UAP1L1: variants seen among roughly 807,000 people sequenced by gnomAD.
UAP1L1 encodes the protein UDP-N-acetylhexosamine pyrophosphorylase-like protein 1.
A neutral mutation model predicts 45.3 loss-of-function variants in UAP1L1; 45 were observed. The ratio of observed to expected loss-of-function variants is 0.99; its 90% CI spans 0.78 to 1.27. The LOEUF is 1.27. Ranked by LOEUF, UAP1L1 falls within the 50% of genes most tolerant of loss-of-function variation. The probability of loss-of-function intolerance (pLI) is 0.00; values close to 1 mark genes in which losing one functional copy is unlikely to be tolerated. For synonymous variants in UAP1L1, 323 were observed against 303.9 expected (o/e 1.06, Z -0.65); for missense variants, 667 against 694.0 (o/e 0.96, Z 0.44).
chr9:137,080,994 C>T lies in UAP1L1; in HGVS notation c.1364+120C>T. 3.8e-6 allele frequency: 4 copies of T among 1,050,116 alleles called. No individual in the cohort carries two copies. The East Asian group carries it at 8.0e-5, about 21-fold the overall frequency. The allele number at this position is 1,050,116 out of a possible 1,614,324, so 65.0% of individuals were successfully genotyped here. ...GCTGGGGAGGGGTCTTCCTTCCCGG[C>T]ACCACCGCAGGTGCAGGTAGCCTTG... is the stretch of plus-strand genomic sequence containing the variant. On this transcript the variant is annotated intron_variant, in intron 7 of 8. Coordinates refer to ENST00000409858, the MANE Select transcript of UAP1L1 (RefSeq NM_207309.3).
chr9:137,079,319 C>T lies in UAP1L1; in HGVS notation c.907C>T (p.Gln303Ter). 1 of 1,613,190 alleles carries T rather than the reference C, an allele frequency of 6.2e-7. No homozygotes were observed. The highest frequency in any genetic ancestry group is 2.2e-5 in the East Asian group (1 of 44,858). The part of the protein sequence containing the change: ...GVVCQVDGVP[Q>*]VVEYSEISPE... ...GGTGTGCCAGGTGGACGGTGTCCCCCAGGTGGTGGAGTACAGCGAGATCAG... is the reference window on the plus strand; with the variant it reads ...GGTGTGCCAGGTGGACGGTGTCCCCTAGGTGGTGGAGTACAGCGAGATCAG... The change falls in exon 5 of 9, where the codon CAG (glutamine) becomes TAG (stop). Residue 303 changes from glutamine to a stop codon, truncating the protein, a stop_gained. Transcript: ENST00000409858. LOFTEE classifies it high-confidence loss of function.
rs1206350673 is a variant in UAP1L1, at chr9:137,083,112, G to A, written c.*383G>A. 4.5e-6 allele frequency: 1 copy of A among 222,550 alleles called. No homozygotes were observed. The highest frequency in any genetic ancestry group is 9.3e-6 in the Non-Finnish European group (1 of 107,044). 13.8% of individuals were successfully genotyped at this position (222,550 alleles called of 1,614,324 possible). A position where few individuals can be genotyped will look rare whatever the true frequency, so the allele number is the denominator to read the frequency against. ...GGTGTGGTGTCATCTGGGGAGAACA[G>A]GAGGGCATGTCCCTTTGGGAGCCCG... On this transcript the variant is annotated 3_prime_UTR_variant, in exon 9 of 9. Coordinates refer to ENST00000409858, the MANE Select transcript of UAP1L1 (RefSeq NM_207309.3).
intron 5 of UAP1L1, 46 bp from the exon 6 acceptor site, chr9:137,079,956 A>G (rs767536893): frequency 6.2e-6 from 10 of 1,607,708 alleles, no homozygotes; most frequent in Non-Finnish European, 7.6e-6. Context: ...CAGCGGTGCC[A>G]TATCTGATCT....
chr9:137,077,801 G>A lies in UAP1L1; in HGVS notation c.269G>A (p.Arg90Gln). 7.2e-7 allele frequency: 1 copy of A among 1,385,710 alleles called. No individual in the cohort carries two copies. Among genetic ancestry groups the A allele is most frequent in the South Asian group, 1.6e-5 (1 of 63,766 alleles). 85.8% of individuals were successfully genotyped at this position (1,385,710 alleles called of 1,614,324 possible). ...GRASRSDPETRRRWEEEGFRQ... is the reference protein window; with the variant it reads ...GRASRSDPETQRRWEEEGFRQ... ...GCCAGCCGCAGCGACCCCGAGACAC[G>A]GCGGCGCTGGGAGGAGGAAGGTAAG... Residue 90 changes from arginine to glutamine, a missense_variant, in exon 1 of 9, where the codon CGG (arginine) becomes CAG (glutamine). By Grantham distance (43) the Arg-to-Gln change is conservative. Coordinates refer to ENST00000409858, the MANE Select transcript of UAP1L1 (RefSeq NM_207309.3). The surrounding 1 kb of genome is among the most constrained non-coding windows in gnomAD (Gnocchi z 4.7).
Position 137,078,258 on chromosome 9 carries a change from T to A in UAP1L1, c.494+4T>A, listed in dbSNP as rs763580110. ...GGACCCGCTGCACCGTCCCCTGGTGTGTCCTGCCTGCCCTACCTCGGCCCG... is the reference window on the plus strand; with the variant it reads ...GGACCCGCTGCACCGTCCCCTGGTGAGTCCTGCCTGCCCTACCTCGGCCCG... On this transcript the variant is annotated splice_donor_region_variant and intron_variant, in intron 2 of 8. Transcript: ENST00000409858. 238 of 1,536,956 alleles carry A rather than the reference T, an allele frequency of 1.5e-4. No homozygotes were observed. Among genetic ancestry groups the A allele is most frequent in the Non-Finnish European group, 2.0e-4 (225 of 1,139,756 alleles).
chr9:137,081,557 G>T (rs535959835), intron 7 of UAP1L1, among the ~76,000 whole-genome samples: 1 of 152,210 alleles, frequency 6.6e-6, no homozygotes, highest in African/African-American at 2.4e-5. Flanking sequence ...TGTGGGGTGT[G>T]TGTGCAACTT....
Position 137,079,098 on chromosome 9 carries a change from C to CCTGT in UAP1L1, c.796_799dup (p.Phe267CysfsTer48). On this transcript the variant is annotated frameshift_variant, in exon 4 of 9. Coordinates refer to ENST00000409858, the MANE Select transcript of UAP1L1 (RefSeq NM_207309.3). LOFTEE classifies it high-confidence loss of function. ...CAACATCCTGGTGCGGCTGGCGGAC[C>CCTGT]CTGTCTTCATCGGCTTCTGTGTGTT... The CCTGT allele has an allele frequency of 1.9e-6, 3 of 1,611,876 alleles. No homozygotes were observed. The highest frequency in any genetic ancestry group is 2.5e-6 in the Non-Finnish European group (3 of 1,179,640).
In UAP1L1 at chr9:137,082,664, G is replaced by A; in HGVS notation, c.1459G>A (p.Glu487Lys). 6.4e-7 allele frequency: 1 copy of A among 1,552,324 alleles called. No individual in the cohort carries two copies. The highest frequency in any genetic ancestry group is 1.4e-5 in the African/African-American group (1 of 73,158). Residue 487 changes from glutamate to lysine, a missense_variant, in exon 9 of 9, where the codon GAG (glutamate) becomes AAG (lysine). Glu to Lys is a moderately conservative substitution (Grantham distance 56). Coordinates refer to ENST00000409858, the MANE Select transcript of UAP1L1 (RefSeq NM_207309.3). This position sits in a 1 kb window ranked among gnomAD's most constrained non-coding sequence, Gnocchi z 5.7. ...EGLEVYLQGR[E>K]FQSPLILDED... ...TTTAGAAGTGTACCTGCAAGGCCGG[G>A]AGTTCCAGTCCCCGCTCATCCTGGA...
At chr9:137,081,894 G>T in intron 7 of UAP1L1, 104 bp from the exon 8 acceptor site, 1 of 1,080,424 alleles carries the variant, frequency 9.3e-7, no homozygotes, top group Non-Finnish European at 1.4e-6. Flanking sequence ...GGAGCTGTGG[G>T]GAGCCAGGTG....
rs1183320631 is a variant in UAP1L1, at chr9:137,079,003, T to C, written c.698T>C (p.Leu233Pro). Residue 233 changes from leucine (L) to proline (P), a missense_variant, in exon 4 of 9, where the codon CTG becomes CCG. Transcript: ENST00000409858. ...PDGNGGLYCALEDHKILEDME... is the reference protein window; with the variant it reads ...PDGNGGLYCAPEDHKILEDME... ...GGCAACGGGGGCCTCTACTGCGCGC[T>C]GGAGGACCACAAGATCCTGGAGGAC... 2 of 1,600,084 alleles carry C rather than the reference T, an allele frequency of 1.2e-6. No homozygotes were observed. The highest frequency in any genetic ancestry group is 2.7e-5 in the African/African-American group (2 of 74,080).
At chr9:137,080,226 T>TAA in intron 6 of UAP1L1, 84 bp downstream of exon 6, 1 of 1,564,024 alleles carries the variant, frequency 6.4e-7, no homozygotes, top group Admixed American at 1.7e-5. Context: ...GGTAGGGAAG[T>TAA]AGAGGCTTGA....
chr9:137,081,604 C>T (rs907225743), intron 7 of UAP1L1, among the ~76,000 whole-genome samples: 18 of 152,104 alleles, frequency 1.2e-4, no homozygotes, highest in African/African-American at 4.1e-4. Flanking sequence ...GGATCCATCA[C>T]CCAACCAACG....
At position 137,078,114 on chromosome 9, in the gene UAP1L1, C is replaced by T; in HGVS notation, c.354C>T (p.Arg118=). The T allele has an allele frequency of 6.5e-7, 1 of 1,550,244 alleles. No homozygotes were observed. Among genetic ancestry groups the T allele is most frequent in the Non-Finnish European group, 8.7e-7 (1 of 1,146,888 alleles). ...TGCTGGCTGGGGGGCAGGGCACTCG[C>T]CTGGGCGTGACCTACCCCAAGGGTA... ...VLLLAGGQGT[R]LGVTYPKGMY... is the part of the protein sequence containing the mutation. The change falls in exon 2 of 9, where the codon CGC becomes CGT. Residue 118 remains arginine (R), a synonymous_variant. Coordinates refer to ENST00000409858, the MANE Select transcript of UAP1L1 (RefSeq NM_207309.3).
At position 137,079,350 on chromosome 9, in the gene UAP1L1, AG is replaced by A; in HGVS notation, c.939del (p.Thr314ProfsTer39). ...QVVEYSEISPETAQLRASDGS... is the reference protein window; with the variant it reads ...QVVEYSEISPXTAQLRASDGS... The stretch of plus-strand genomic sequence containing the variant: ...GTGGAGTACAGCGAGATCAGTCCTG[AG>A]ACCGCACAGCTACGTGCCTCCGACG... On this transcript the variant is annotated frameshift_variant, in exon 5 of 9. Coordinates refer to ENST00000409858, the MANE Select transcript of UAP1L1 (RefSeq NM_207309.3). LOFTEE classifies it high-confidence loss of function. The A allele has an allele frequency of 6.2e-7, 1 of 1,613,124 alleles. No homozygotes were observed. The highest frequency in any genetic ancestry group is 1.1e-5 in the South Asian group (1 of 91,082).
rs1268346126 is a variant in UAP1L1 at position 137,077,857 on chromosome 9, G to A, written c.289+36G>A. ...TGGGAGGCCCTGGGGGCCGGCAGGGGGTCGTGCCCACGGAGCGGGTGGGAA... is the reference window on the plus strand; with the variant it reads ...TGGGAGGCCCTGGGGGCCGGCAGGGAGTCGTGCCCACGGAGCGGGTGGGAA... On this transcript the variant is annotated intron_variant, in intron 1 of 8. Transcript: ENST00000409858. The surrounding 1 kb of genome is among the most constrained non-coding windows in gnomAD (Gnocchi z 4.7). 5.6e-6 allele frequency: 8 copies of A among 1,434,224 alleles called. No homozygotes were observed. In the African/African-American group the frequency reaches 7.2e-5, roughly 13 times the overall value. 88.8% of individuals were successfully genotyped at this position (1,434,224 alleles called of 1,614,324 possible). A position where few individuals can be genotyped will look rare whatever the true frequency, so the allele number is the denominator to read the frequency against.
chr9:137,079,045 T>A lies in UAP1L1; in HGVS notation c.740T>A (p.Val247Glu). ...CTGGAGGACATGGAGCGCCGGGGAG[T>A]GGAGTTTGTGCACGTGTACTGTGTG... ...KILEDMERRG[V>E]EFVHVYCVDN... Residue 247 changes from valine to glutamate, a missense_variant, in exon 4 of 9, where the codon GTG (valine) becomes GAG (glutamate). Val to Glu is a moderately radical substitution (Grantham distance 121). Transcript: ENST00000409858. 6.2e-7 allele frequency: 1 copy of A among 1,607,946 alleles called. No individual in the cohort carries two copies. Among genetic ancestry groups the A allele is most frequent in the Non-Finnish European group, 8.5e-7 (1 of 1,178,528 alleles).
chr9:137,077,848 C>G lies in UAP1L1; in HGVS notation c.289+27C>G. ...TAAGCGGGGTGGGAGGCCCTGGGGG[C>G]CGGCAGGGGGTCGTGCCCACGGAGC... On this transcript the variant is annotated intron_variant, in intron 1 of 8. Transcript: ENST00000409858. This position sits in a 1 kb window ranked among gnomAD's most constrained non-coding sequence, Gnocchi z 4.7. 7.0e-7 allele frequency: 1 copy of G among 1,423,736 alleles called. No individual in the cohort carries two copies. Among genetic ancestry groups the G allele is most frequent in the Non-Finnish European group, 9.1e-7 (1 of 1,093,300 alleles). The allele number at this position is 1,423,736 out of a possible 1,614,324, so 88.2% of individuals were successfully genotyped here. A position where few individuals can be genotyped will look rare whatever the true frequency, so the allele number is the denominator to read the frequency against.
chr9:137,079,015 A>C lies in UAP1L1; in HGVS notation c.710A>C (p.Lys237Thr). Residue 237 changes from lysine (K) to threonine (T), a missense_variant, in exon 4 of 9, where the codon AAG becomes ACG. By Grantham distance (78) the Lys-to-Thr change is moderately conservative (BLOSUM62 -1). Transcript: ENST00000409858. The part of the protein sequence containing the change: ...GGLYCALEDH[K>T]ILEDMERRGV... ...CTCTACTGCGCGCTGGAGGACCACA[A>C]GATCCTGGAGGACATGGAGCGCCGG... The C allele has an allele frequency of 6.2e-7, 1 of 1,602,764 alleles. No homozygotes were observed. The highest frequency in any genetic ancestry group is 8.5e-7 in the Non-Finnish European group (1 of 1,177,098).
At position 137,078,266 on chromosome 9, in the gene UAP1L1, C is replaced by CT. The variant is rs1227094196; in HGVS notation, c.494+13dup. Reference sequence around the variant, plus strand: ...TGCACCGTCCCCTGGTGTGTCCTGCCTGCCCTACCTCGGCCCGGAGGTACC... The same window carrying CT: ...TGCACCGTCCCCTGGTGTGTCCTGCCTTGCCCTACCTCGGCCCGGAGGTACC... On this transcript the variant is annotated intron_variant, in intron 2 of 8. Transcript: ENST00000409858. 3 of 1,530,972 alleles carry CT rather than the reference C, an allele frequency of 2.0e-6. No homozygotes were observed. Among genetic ancestry groups the CT allele is most frequent in the Non-Finnish European group, 2.6e-6 (3 of 1,136,040 alleles). 94.8% of individuals were successfully genotyped at this position (1,530,972 alleles called of 1,614,324 possible). A position where few individuals can be genotyped will look rare whatever the true frequency, so the allele number is the denominator to read the frequency against.
Sources: allele counts gnomAD v4.1 joint callset (sites outside exome capture counted in the v4.1 genomes callset), GRCh38; gene constraint gnomAD v4.1.1; non-coding constraint Gnocchi (gnomAD v3.1); transcripts MANE v1.5; gene names NCBI Gene and HGNC (gene_info 2026-07-23, HGNC 2026-07-21).